Variants in PSG3 observed in about 807,000 individuals in gnomAD.
The protein encoded by PSG3 is pregnancy-specific beta-1-glycoprotein 3.
Under a neutral mutation model 47.5 loss-of-function variants are expected in PSG3, and 61 were observed. The observed-to-expected ratio is 1.28, with a 90% CI of 1.05 to 1.59. The LOEUF (loss-of-function observed/expected upper bound fraction) is 1.59, where lower values mean the gene tolerates loss of function less well. Among genes scored for constraint, PSG3 ranks in the 40% most tolerant of loss-of-function variants. PSG3 has a pLI of 0.00. For missense variants in PSG3, 756 were observed against 524.0 expected, an observed-to-expected ratio of 1.44 and a Z score of -4.32; for synonymous variants, 263 against 198.4, an observed-to-expected ratio of 1.33 and a Z score of -2.74.
intron 5 of PSG3, among the ~76,000 whole-genome samples, chr19:42,726,893 G>GC (rs1969386564): frequency 6.6e-6 from 1 of 152,302 alleles, no homozygotes; most frequent in African/African-American, 2.4e-5. Flanking sequence ...TTACTACAAA[G>GC]CCCCAGTAAT....
At chr19:42,727,374 A>C (rs1289696607) in intron 5 of PSG3, among the ~76,000 whole-genome samples, 4 of 152,206 alleles carry the variant, frequency 2.6e-5, no homozygotes, top group Non-Finnish European at 5.9e-5. Context: ...ATAAGAAATT[A>C]ATTTCCAGAA....
chr19:42,732,730 G>T, intron 3 of PSG3, 54 bp downstream of exon 3: 2 of 1,614,152 alleles, frequency 1.2e-6, no homozygotes, highest in Admixed American at 1.7e-5. Flanking sequence ...CTGGCCTCTG[G>T]CCACGTGTAT....
rs1969307810 is a variant in PSG3, at chr19:42,722,046, CT to C, written c.*84del. On this transcript the variant is annotated 3_prime_UTR_variant, in exon 7 of 7. Transcript: ENST00000327495. ...TCCTTGAACAAAAAGCAATTTTGGACTGTAGCTGATGGTAAATACTTTGAGG... is the reference window on the plus strand; with the variant it reads ...TCCTTGAACAAAAAGCAATTTTGGACGTAGCTGATGGTAAATACTTTGAGG... The C allele has an allele frequency of 2.4e-6, 1 of 415,660 alleles. No homozygotes were observed. The highest frequency in any genetic ancestry group is 2.1e-5 in the African/African-American group (1 of 48,674). The allele number at this position is 415,660 out of a possible 1,614,324, so 25.7% of individuals were successfully genotyped here.
intron 1 of PSG3, chr19:42,739,330 T>TGA (rs1969627327): frequency 1.4e-6 from 1 of 691,690 alleles, no homozygotes; most frequent in Admixed American, 3.3e-5. Context: ...CCTTGGCATT[T>TGA]TTCTGTTTGG....
intron 5 of PSG3, among the ~76,000 whole-genome samples, chr19:42,725,887 A>G (rs1163056015): frequency 7.1e-6 from 1 of 141,834 alleles, no homozygotes; most frequent in Non-Finnish European, 1.5e-5. Context: ...CAACAACAAC[A>G]ACCAAAAAAA....
intron 5 of PSG3, among the ~76,000 whole-genome samples, chr19:42,728,705 G>T (rs1410475318): frequency 6.6e-6 from 1 of 152,204 alleles, no homozygotes; most frequent in Non-Finnish European, 1.5e-5. Context: ...CTCTCATCTG[G>T]GGGAAAAGTG....
At chr19:42,728,101 G>T (rs1180721078) in intron 5 of PSG3, among the ~76,000 whole-genome samples, 2 of 152,124 alleles carry the variant, frequency 1.3e-5, no homozygotes, top group African/African-American at 2.4e-5. Flanking sequence ...TAGAATGGTG[G>T]GTGCTAAGGT....
At chr19:42,723,681 G>A (rs867906219) in intron 6 of PSG3, among the ~76,000 whole-genome samples, 6 of 152,226 alleles carry the variant, frequency 3.9e-5, no homozygotes, top group Non-Finnish European at 5.9e-5. Flanking sequence ...GTTTCACCAT[G>A]TGAAATTGTG....
At chr19:42,735,503 A>T (rs1007280067) in intron 2 of PSG3, among the ~76,000 whole-genome samples, 3 of 152,050 alleles carry the variant, frequency 2.0e-5, no homozygotes, top group African/African-American at 7.2e-5. Context: ...AATAGCTGGG[A>T]CTACAAGCGC....
Position 42,732,971 on chromosome 19 carries a change from C to A in PSG3, c.522G>T (p.Pro174=), listed in dbSNP as rs144410961. 18 of 1,614,002 alleles carry A rather than the reference C, an allele frequency of 1.1e-5. No homozygotes were observed. The highest frequency in any genetic ancestry group is 8.3e-5 in the Admixed American group (5 of 59,990). ...TCATCCACCACAGGTAGCTTGCGTC[C>A]GGAGTCTCAGGATCACAGGTTAAGC... ...AVSLTCDPET[P]DASYLWWMNG... is the part of the protein sequence containing the mutation. The change falls in exon 3 of 7, where the codon CCG becomes CCT. Residue 174 remains proline (P), a synonymous_variant. Transcript: ENST00000327495.
At position 42,730,000 on chromosome 19, in the gene PSG3, C is replaced by A. The variant is rs759926041; in HGVS notation, c.766G>T (p.Asp256Tyr). 10 of 1,612,314 alleles carry A rather than the reference C, an allele frequency of 6.2e-6. No individual in the cohort carries two copies. Among genetic ancestry groups the A allele is most frequent in the South Asian group, 1.1e-5 (1 of 90,998 alleles). Reference sequence around the variant, plus strand: ...GGTTCACAGGTGAAGGCTAAGACATCCTTATTCTCCCTGGGGTTTAAGTTG... The same window carrying A: ...GGTTCACAGGTGAAGGCTAAGACATACTTATTCTCCCTGGGGTTTAAGTTG... ...INNLNPRENK[D>Y]VLAFTCEPKS... Residue 256 changes from aspartate (D) to tyrosine (Y), a missense_variant, in exon 4 of 7, where the codon GAT (aspartate) becomes TAT (tyrosine). By Grantham distance (160) the Asp-to-Tyr change is radical (BLOSUM62 -3). Transcript: ENST00000327495.
intron 3 of PSG3, chr19:42,731,831 C>A (rs1421995883): frequency 1.3e-5 from 2 of 151,256 alleles, no homozygotes; most frequent in South Asian, 2.1e-4. Context: ...AGGGTATAAT[C>A]ATTTGACTTT....
At chr19:42,736,758 G>T (rs903947918) in intron 2 of PSG3, among the ~76,000 whole-genome samples, 2 of 151,832 alleles carry the variant, frequency 1.3e-5, no homozygotes, top group Non-Finnish European at 2.9e-5. Context: ...CCTCACAAAG[G>T]GAAAGAGCCC....
chr19:42,725,890 C>CAAAAAAAAAAAAAA (rs200684147), intron 5 of PSG3, among the ~76,000 whole-genome samples: 192 of 67,614 alleles, frequency 2.8e-3, no homozygotes, highest in African/African-American at 4.3e-3. Flanking sequence ...CAACAACAAC[C>CAAAAAAAAAAAAAA]AAAAAAAAAA....
At chr19:42,734,028 A>G (rs975532922) in intron 2 of PSG3, 1 of 152,162 alleles carries the variant, frequency 6.6e-6, no homozygotes, top group East Asian at 1.9e-4. Context: ...CTGATTCTGA[A>G]TTTGACTACT....
chr19:42,727,094 C>A (rs560045871), intron 5 of PSG3, among the ~76,000 whole-genome samples: 30 of 152,264 alleles, frequency 2.0e-4, no homozygotes, highest in Admixed American at 1.4e-3. Flanking sequence ...AACAGTGGAA[C>A]CTTTACCTAA....
intron 2 of PSG3, among the ~76,000 whole-genome samples, chr19:42,737,686 C>A (rs568584155): frequency 1.4e-4 from 21 of 152,092 alleles, no homozygotes; most frequent in Non-Finnish European, 1.8e-4. Context: ...TGATTGGAAC[C>A]CAGTAAGCCC....
intron 5 of PSG3, among the ~76,000 whole-genome samples, chr19:42,724,926 T>G (rs1383634530): frequency 1.3e-5 from 2 of 152,148 alleles, no homozygotes; most frequent in African/African-American, 4.8e-5. Context: ...ACTTCCTATG[T>G]GCCAGGCCCT....
In PSG3 at chr19:42,738,946, C is replaced by T. The variant is rs1178237596; in HGVS notation, c.208G>A (p.Gly70Arg). 5 of 1,613,916 alleles carry T rather than the reference C, an allele frequency of 3.1e-6. No individual in the cohort carries two copies. Among genetic ancestry groups the T allele is most frequent in the Admixed American group, 3.3e-5 (2 of 59,974 alleles). Residue 70 changes from glycine (G) to arginine (R), a missense_variant, in exon 2 of 7, where the codon GGG becomes AGG. Coordinates refer to ENST00000327495, the MANE Select transcript of PSG3 (RefSeq NM_021016.4). ...QNLAGYIWYK[G>R]QMKDLYHYIT... ...TAATGGTAGAGGTCCTTCATTTGCC[C>T]TTTGTACCAGATGTAGCCAGCAAGA... is the stretch of plus-strand genomic sequence containing the variant.
Sources: allele counts gnomAD v4.1 joint callset (sites outside exome capture counted in the v4.1 genomes callset), GRCh38; gene constraint gnomAD v4.1.1; transcripts MANE v1.5; gene names NCBI Gene and HGNC (gene_info 2026-07-23, HGNC 2026-07-21).